The following CPSF3 variants were observed in gnomAD, a reference collection of about 807,000 sequenced individuals.
The protein encoded by CPSF3 is cleavage and polyadenylation specificity factor subunit 3.
Under a neutral mutation model 84.1 loss-of-function variants are expected in CPSF3, and 57 were observed. The observed-to-expected ratio is 0.68, with a 90% CI of 0.55 to 0.85. The LOEUF is 0.85. Among genes scored for constraint, CPSF3 ranks in the 40% least tolerant of loss-of-function variants. The probability of loss-of-function intolerance (pLI) is 0.00; values close to 1 mark genes in which losing one functional copy is unlikely to be tolerated. For missense variants in CPSF3, 522 were observed against 838.8 expected (o/e 0.62, Z 4.66); for synonymous variants, 275 against 278.1 (o/e 0.99, Z 0.11).
At position 9,448,359 on chromosome 2, in the gene CPSF3, T is replaced by C; in HGVS notation, c.1395+9T>C. The C allele has an allele frequency of 6.2e-7, 1 of 1,605,706 alleles. No homozygotes were observed. Among genetic ancestry groups the C allele is most frequent in the Non-Finnish European group, 8.5e-7 (1 of 1,175,464 alleles). ...GAGAAAAACTAGCCAAGGTAAAAGG[T>C]TATGGTTCCTGTCTGTCCAATCCAT... On this transcript the variant is annotated intron_variant, in intron 11 of 17. Coordinates refer to ENST00000238112, the MANE Select transcript of CPSF3 (RefSeq NM_016207.4).
chr2:9,433,997 G>A (rs374823588), intron 6 of CPSF3, 37 bp downstream of exon 6: 9 of 1,234,212 alleles, frequency 7.3e-6, no homozygotes, highest in Admixed American at 2.0e-5. Flanking sequence ...TCAATGTAAT[G>A]TAAGCAGATT....
chr2:9,457,527 A>G (rs1681573356), intron 14 of CPSF3, among the ~76,000 whole-genome samples: 1 of 152,152 alleles, frequency 6.6e-6, no homozygotes, highest in Non-Finnish European at 1.5e-5. Flanking sequence ...TATGGTTCCT[A>G]TTAGAATTTT....
At chr2:9,457,314 T>C (rs571642466) in intron 14 of CPSF3, among the ~76,000 whole-genome samples, 1 of 152,236 alleles carries the variant, frequency 6.6e-6, no homozygotes, top group East Asian at 1.9e-4. Context: ...TCCTTTCCTA[T>C]AAGTCTTACC....
rs993558378 is a variant in CPSF3 at position 9,423,832 on chromosome 2, C to A, written c.50+9C>A. ...CTGCTGATCCGACCCCTGTAAGGGA[C>A]CAGCGAGAGAGGGAATGAAGCCACG... On this transcript the variant is annotated intron_variant, in intron 1 of 17. Transcript: ENST00000238112. 5.6e-6 allele frequency: 9 copies of A among 1,612,148 alleles called. No homozygotes were observed. In the African/African-American group the frequency reaches 1.2e-4, roughly 22 times the overall value.
chr2:9,428,701 A>G, intron 1 of CPSF3, 64 bp from the exon 2 acceptor site: 3 of 1,130,154 alleles, frequency 2.7e-6, no homozygotes, highest in Non-Finnish European at 4.0e-6. Flanking sequence ...AAAAAAGTGT[A>G]AGTTTATTGG....
intron 10 of CPSF3, among the ~76,000 whole-genome samples, chr2:9,443,996 C>A (rs998413774): frequency 2.6e-5 from 4 of 152,012 alleles, no homozygotes; most frequent in African/African-American, 7.2e-5. Flanking sequence ...TACTATGTAA[C>A]CCTTGGCAAG....
chr2:9,424,372 G>C (rs957083799), intron 1 of CPSF3: 10 of 621,658 alleles, frequency 1.6e-5, no homozygotes, highest in Admixed American at 1.3e-4. Context: ...CTGGAGAAGA[G>C]AAAGTGCAGA....
At chr2:9,429,897 G>A (rs1390000754) in intron 2 of CPSF3, 26 bp from the exon 3 acceptor site, 1 of 1,452,698 alleles carries the variant, frequency 6.9e-7, no homozygotes, top group Admixed American at 1.9e-5. Flanking sequence ...GCAGGAGATT[G>A]TGATCTCTTT....
intron 14 of CPSF3, among the ~76,000 whole-genome samples, chr2:9,457,816 G>A (rs1681584164): frequency 6.6e-6 from 1 of 151,776 alleles, no homozygotes; most frequent in African/African-American, 2.4e-5. Flanking sequence ...GCAGTGGGGT[G>A]ATCTCAGCTC....
intron 12 of CPSF3, among the ~76,000 whole-genome samples, chr2:9,455,346 G>A (rs1215321224): frequency 1.8e-4 from 27 of 152,000 alleles, no homozygotes; most frequent in Admixed American, 1.8e-3. Context: ...ATCTTGGCCA[G>A]GCTGGTCTTG....
chr2:9,429,951 A>G lies in CPSF3; in HGVS notation c.143A>G (p.Glu48Gly). 6.2e-7 allele frequency: 1 copy of G among 1,601,056 alleles called. No homozygotes were observed. The highest frequency in any genetic ancestry group is 2.3e-5 in the East Asian group (1 of 43,914). The change falls in exon 3 of 18, where the codon GAA becomes GGA. Residue 48 changes from glutamate (E) to glycine (G), a missense_variant. By Grantham distance (98) the Glu-to-Gly change is moderately conservative. Coordinates refer to ENST00000238112, the MANE Select transcript of CPSF3 (RefSeq NM_016207.4). Reference sequence around the variant, plus strand: ...GACTGTGGGATCCACCCTGGCCTAGAAGGAATGGATGCTCTTCCTTATATT... The same window carrying G: ...GACTGTGGGATCCACCCTGGCCTAGGAGGAATGGATGCTCTTCCTTATATT... ...MLDCGIHPGLEGMDALPYIDL... is the reference protein window; with the variant it reads ...MLDCGIHPGLGGMDALPYIDL...
At position 9,465,944 on chromosome 2, in the gene CPSF3, A is replaced by G. The variant is rs1681892394; in HGVS notation, c.1787-1763A>G. Among the ~76,000 whole-genome samples the G allele has an allele frequency of 2.0e-5, 3 of 152,320 alleles. No homozygotes were observed. In the South Asian group the frequency reaches 6.2e-4, roughly 32 times the overall value. On this transcript the variant is annotated intron_variant, in intron 15 of 17. Coordinates refer to ENST00000238112, the MANE Select transcript of CPSF3 (RefSeq NM_016207.4). ...CTTTGTAACAGCATTATTGATACATAATTCACATACCATACAATTCATCCA... is the reference window on the plus strand; with the variant it reads ...CTTTGTAACAGCATTATTGATACATGATTCACATACCATACAATTCATCCA...
chr2:9,467,845 C>T, intron 16 of CPSF3, 69 bp downstream of exon 16: 2 of 1,263,720 alleles, frequency 1.6e-6, no homozygotes, highest in Non-Finnish European at 2.3e-6. Flanking sequence ...GGATTCGGCT[C>T]TGACTCCTTC....
In CPSF3 at chr2:9,466,430, A is replaced by G. The variant is rs980564470; in HGVS notation, c.1787-1277A>G. On this transcript the variant is annotated intron_variant, in intron 15 of 17. Transcript: ENST00000238112. ...CGCGCACACACGCACACGCGCACAC[A>G]CGCGCACACACACAAAATTAGCTGG... Among the ~76,000 whole-genome samples the G allele has an allele frequency of 5.7e-4, 85 of 148,318 alleles. 1 individual carries two copies. Among genetic ancestry groups the G allele is most frequent in the African/African-American group, 2.1e-3 (78 of 37,924 alleles).
intron 15 of CPSF3, 118 bp downstream of exon 15, chr2:9,459,736 A>G (rs7570625): frequency 0.53 from 266,990 of 508,378 alleles, 76,112 homozygotes; most frequent in Middle Eastern, 0.66. Context: ...TGCATCCTCC[A>G]CTTCCCAGGT....
intron 7 of CPSF3, 43 bp downstream of exon 7, chr2:9,436,404 T>C: frequency 6.4e-7 from 1 of 1,559,674 alleles, no homozygotes; most frequent in African/African-American, 1.4e-5. Context: ...CAAAATCTTG[T>C]CATTTTATCA....
intron 10 of CPSF3, 113 bp downstream of exon 10, chr2:9,443,774 CCT>C: frequency 8.8e-7 from 1 of 1,138,362 alleles, no homozygotes; most frequent in Non-Finnish European, 1.3e-6. Flanking sequence ...TGCGACACCC[CCT>C]GAGCAGAGCC....
At chr2:9,465,325 G>GC (rs1288706363) in intron 15 of CPSF3, among the ~76,000 whole-genome samples, 1 of 152,054 alleles carries the variant, frequency 6.6e-6, no homozygotes, top group African/African-American at 2.4e-5. Context: ...ACACGTACAG[G>GC]CCTAGCTACT....
Position 9,455,739 on chromosome 2 carries a change from C to A in CPSF3, c.1585C>A (p.Gln529Lys), listed in dbSNP as rs1355310341. The A allele has an allele frequency of 2.5e-6, 4 of 1,613,360 alleles. No homozygotes were observed. The highest frequency in any genetic ancestry group is 1.3e-5 in the African/African-American group (1 of 74,988). Residue 529 changes from glutamine (Q) to lysine (K), a missense_variant, in exon 13 of 18, where the codon CAG becomes AAG. Physicochemically the swap from Gln to Lys is moderately conservative, Grantham distance 53. Around this residue, in one of 2 missense-constraint regions of CPSF3, gnomAD observed 193 missense variants for 231.6 expected, o/e 0.83. Coordinates refer to ENST00000238112, the MANE Select transcript of CPSF3 (RefSeq NM_016207.4). ...YTGPFNLLCYQLQKLTGDVEE... is the reference protein window; with the variant it reads ...YTGPFNLLCYKLQKLTGDVEE... ...TGGTCCCTTTAATTTGCTCTGTTACCAGCTGCAGAAATTGACAGGTGTGTG... is the reference window on the plus strand; with the variant it reads ...TGGTCCCTTTAATTTGCTCTGTTACAAGCTGCAGAAATTGACAGGTGTGTG...
Sources: allele counts gnomAD v4.1 joint callset (sites outside exome capture counted in the v4.1 genomes callset), GRCh38; gene constraint gnomAD v4.1.1; regional missense constraint gnomAD v4.1.1; transcripts MANE v1.5; gene names NCBI Gene and HGNC (gene_info 2026-07-23, HGNC 2026-07-21).